SDAD1: variants seen among roughly 807,000 people sequenced by gnomAD.
SDAD1 encodes SDA1 domain containing 1, also known as protein SDA1 homolog.
Under a neutral mutation model 100.3 loss-of-function variants are expected in SDAD1, and 79 were observed. The ratio of observed to expected loss-of-function variants is 0.79; its 90% CI spans 0.66 to 0.95. SDAD1 has a LOEUF of 0.95. Ranked by LOEUF, SDAD1 falls within the 40% of genes least tolerant of loss-of-function variation. SDAD1 has a pLI of 0.00. For missense variants in SDAD1, 790 were observed against 810.9 expected (o/e 0.97, Z 0.31); for synonymous variants, 267 against 271.4 (o/e 0.98, Z 0.16).
chr4:75,953,515 G>A (rs1728724230), intron 21 of SDAD1, among the ~76,000 whole-genome samples: 1 of 152,138 alleles, frequency 6.6e-6, no homozygotes, highest in Non-Finnish European at 1.5e-5. Context: ...AATCCTAAGT[G>A]GCACCTTTCC....
rs1480331993 is a variant in SDAD1 at position 75,981,439 on chromosome 4, T to C, written c.227A>G (p.Asn76Ser). The stretch of plus-strand genomic sequence containing the variant: ...AAGATCTTTCACCTCTTGAGGAAAA[T>C]TACTTAGGTACTCTGGGTAGCAGTG... The part of the protein sequence containing the change: ...ISHCYPEYLS[N>S]FPQEVKDLLS... Residue 76 changes from asparagine to serine, a missense_variant, in exon 3 of 22, where the codon AAT (asparagine) becomes AGT (serine). Asn to Ser is a conservative substitution (Grantham distance 46). Transcript: ENST00000356260. 1 of 1,613,792 alleles carries C rather than the reference T, an allele frequency of 6.2e-7. No individual in the cohort carries two copies. Among genetic ancestry groups the C allele is most frequent in the Admixed American group, 1.7e-5 (1 of 60,006 alleles).
At chr4:75,957,439 CAA>C in intron 19 of SDAD1, 30 bp from the exon 20 acceptor site, 1 of 1,612,888 alleles carries the variant, frequency 6.2e-7, no homozygotes, top group Non-Finnish European at 8.5e-7. Flanking sequence ...ACACATGAAA[CAA>C]GAATGGAATT....
Position 75,960,127 on chromosome 4 carries a change from A to G in SDAD1, c.1422T>C (p.Asp474=). The change falls in exon 17 of 22, where the codon GAT becomes GAC. Residue 474 remains aspartate (D), a synonymous_variant. Coordinates refer to ENST00000356260, the MANE Select transcript of SDAD1 (RefSeq NM_018115.4). ...VQEYGELDAK[D]YIPGAEVLEV... is the part of the protein sequence containing the mutation. Reference sequence around the variant, plus strand: ...CCAGAACTTCTGCTCCTGGAATGTAATCTTTAGCATCTAATTCTCCATATT... The same window carrying G: ...CCAGAACTTCTGCTCCTGGAATGTAGTCTTTAGCATCTAATTCTCCATATT... 1 of 1,612,212 alleles carries G rather than the reference A, an allele frequency of 6.2e-7. No homozygotes were observed. The highest frequency in any genetic ancestry group is 8.5e-7 in the Non-Finnish European group (1 of 1,179,562).
At chr4:75,963,007 A>G (rs1729334752) in intron 14 of SDAD1, among the ~76,000 whole-genome samples, 1 of 152,246 alleles carries the variant, frequency 6.6e-6, no homozygotes, top group African/African-American at 2.4e-5. Context: ...GTTTTCTTCT[A>G]GGGTTTTTAT....
intron 14 of SDAD1, among the ~76,000 whole-genome samples, chr4:75,962,964 G>T (rs940501192): frequency 3.3e-5 from 5 of 152,150 alleles, no homozygotes; most frequent in Non-Finnish European, 5.9e-5. Context: ...TGAAGTCCTT[G>T]TCCATGCCTA....
chr4:75,964,382 G>C (rs938697315), intron 13 of SDAD1, among the ~76,000 whole-genome samples, 171 bp from the exon 14 acceptor site: 3 of 152,116 alleles, frequency 2.0e-5, no homozygotes, highest in Non-Finnish European at 1.5e-5. Context: ...ACTCCACTTA[G>C]GAATTCAGTG....
rs752484309 is a variant in SDAD1 at position 75,971,360 on chromosome 4, G to C, written c.810C>G (p.Leu270=). Residue 270 remains leucine (L), a synonymous_variant, in exon 9 of 22, where the codon CTC becomes CTG. Coordinates refer to ENST00000356260, the MANE Select transcript of SDAD1 (RefSeq NM_018115.4). The part of the protein sequence containing the change: ...KKKLEKAMKV[L]KKQKKKKKPE... ...ATTTTCCAGATACAAGTCCCACCTT[G>C]AGCACTTTCATTGCCTTTTCCAACT... 6.2e-7 allele frequency: 1 copy of C among 1,608,752 alleles called. No individual in the cohort carries two copies. Among genetic ancestry groups the C allele is most frequent in the South Asian group, 1.1e-5 (1 of 90,928 alleles).
chr4:75,960,075 T>C lies in SDAD1; in HGVS notation c.1474A>G (p.Asn492Asp). Residue 492 changes from asparagine (N) to aspartate (D), a missense_variant, in exon 17 of 22, where the codon AAT becomes GAT. Transcript: ENST00000356260. ...TGAAATAAAAATCAACCTTCATCAT[T>C]TTCAGCATTCTCTTCTTTCTCAACT... is the stretch of plus-strand genomic sequence containing the variant. ...LEVEKEENAE[N>D]DEDGWESTSL... 6.2e-7 allele frequency: 1 copy of C among 1,607,482 alleles called. No homozygotes were observed.
rs752168536 is a variant in SDAD1 at position 75,975,991 on chromosome 4, A to T, written c.410T>A (p.Leu137Ter). The T allele has an allele frequency of 2.5e-6, 4 of 1,595,348 alleles. No homozygotes were observed. In the South Asian group the frequency reaches 4.4e-5, roughly 18 times the overall value. The change falls in exon 5 of 22, where the codon TTA becomes TAA. Residue 137 changes from leucine to a stop codon, truncating the protein, a stop_gained. Coordinates refer to ENST00000356260, the MANE Select transcript of SDAD1 (RefSeq NM_018115.4). LOFTEE classifies it high-confidence loss of function. Reference sequence around the variant, plus strand: ...GATATCAGTCACAATATGTGTGTATAAAGTCTGAGGAAAAGAAACAAAAAT... The same window carrying T: ...GATATCAGTCACAATATGTGTGTATTAAGTCTGAGGAAAAGAAACAAAAAT... Reference protein sequence around the residue: ...RCHDKLLRKTLYTHIVTDIKN... With the variant: ...RCHDKLLRKT
At chr4:75,986,873 T>G (rs997628136) in intron 1 of SDAD1, among the ~76,000 whole-genome samples, 6 of 151,870 alleles carry the variant, frequency 4.0e-5, no homozygotes, top group Admixed American at 1.3e-4. Context: ...AAAAATCAAC[T>G]GGGAATGGTG....
intron 12 of SDAD1, among the ~76,000 whole-genome samples, chr4:75,966,333 A>G (rs1409832591): frequency 1.3e-5 from 2 of 151,438 alleles, no homozygotes; most frequent in African/African-American, 4.9e-5. Context: ...TCAAAGGGGC[A>G]GCATAGCATA....
At chr4:75,973,184 C>A in intron 8 of SDAD1, 133 bp downstream of exon 8, 1 of 643,294 alleles carries the variant, frequency 1.6e-6, no homozygotes, top group Non-Finnish European at 2.7e-6. Flanking sequence ...AGTAAAATAG[C>A]ATGGCAGAAT....
In SDAD1 at chr4:75,950,792, T is replaced by G; in HGVS notation, c.2022A>C (p.Ala674=). 6.3e-7 allele frequency: 1 copy of G among 1,584,712 alleles called. No individual in the cohort carries two copies. Among genetic ancestry groups the G allele is most frequent in the Non-Finnish European group, 8.6e-7 (1 of 1,157,412 alleles). ...NKRSFREKQL[A]LRDALLKKRK... is the part of the protein sequence containing the mutation. ...TCTTTTTCAAAAGTGCATCTCGTAG[T>G]GCCAACTGTAAGATAAAAAAGTATT... Residue 674 remains alanine, a synonymous_variant, in exon 22 of 22, where the codon GCA becomes GCC. Coordinates refer to ENST00000356260, the MANE Select transcript of SDAD1 (RefSeq NM_018115.4).
chr4:75,976,690 T>C (rs2149324835), intron 4 of SDAD1, among the ~76,000 whole-genome samples: 1 of 152,274 alleles, frequency 6.6e-6, no homozygotes, highest in East Asian at 1.9e-4. Context: ...CACTGAATTG[T>C]ACACTTTAAG....
intron 1 of SDAD1, 75 bp downstream of exon 1, chr4:75,990,677 A>C: frequency 6.2e-7 from 1 of 1,606,868 alleles, no homozygotes; most frequent in Non-Finnish European, 8.5e-7. Flanking sequence ...TCCCAGCCCC[A>C]CTCCATGCTT....
intron 8 of SDAD1, among the ~76,000 whole-genome samples, chr4:75,972,935 G>A (rs976055473): frequency 8.6e-5 from 13 of 151,746 alleles, no homozygotes; most frequent in African/African-American, 1.7e-4. Context: ...GCAGGAGAAC[G>A]GCATGAACCC....
intron 12 of SDAD1, 44 bp from the exon 13 acceptor site, chr4:75,965,866 C>G (rs780342124): frequency 6.5e-7 from 1 of 1,543,004 alleles, no homozygotes; most frequent in South Asian, 1.1e-5. Context: ...AGTGTATCAC[C>G]CTGCCTCTGA....
chr4:75,960,606 G>C (rs1729175253), intron 16 of SDAD1, among the ~76,000 whole-genome samples: 1 of 152,168 alleles, frequency 6.6e-6, no homozygotes, highest in South Asian at 2.1e-4. Context: ...AGTTATTAGA[G>C]AGTAACTGCT....
chr4:75,990,576 G>A, intron 1 of SDAD1, 176 bp downstream of exon 1: 1 of 1,366,410 alleles, frequency 7.3e-7, no homozygotes, highest in Non-Finnish European at 1.0e-6. Context: ...AAGAGGTGGG[G>A]AACGAACCCT....
Sources: allele counts gnomAD v4.1 joint callset (sites outside exome capture counted in the v4.1 genomes callset), GRCh38; gene constraint gnomAD v4.1.1; transcripts MANE v1.5; gene names NCBI Gene and HGNC (gene_info 2026-07-23, HGNC 2026-07-21).